Variants in PLCH2 observed in about 807,000 individuals in gnomAD.
PLCH2 encodes the protein 1-phosphatidylinositol 4,5-bisphosphate phosphodiesterase eta-2.
PLCH2 carries 98 observed loss-of-function variants against 134.7 expected under a neutral mutation model. The observed-to-expected ratio is 0.73, with a 90% CI of 0.62 to 0.86. The LOEUF is 0.86. Among genes scored for constraint, PLCH2 ranks in the 40% least tolerant of loss-of-function variants. The probability of loss-of-function intolerance (pLI) is 0.00; values close to 1 mark genes in which losing one functional copy is unlikely to be tolerated. For synonymous variants in PLCH2, 974 were observed against 827.5 expected (o/e 1.18, Z -3.04); for missense variants, 1,994 against 1,986.6 (o/e 1.00, Z -0.07).
chr1:2,424,749 A>G (rs897997393), upstream of PLCH2, among the ~76,000 whole-genome samples: 1 of 152,204 alleles, frequency 6.6e-6, no homozygotes, highest in Non-Finnish European at 1.5e-5. Context: ...GCACTTTGGG[A>G]GGCCAAGGCG....
At chr1:2,475,615 G>A (rs938357613), upstream of PLCH2, among the ~76,000 whole-genome samples, 2 of 152,182 alleles carry the variant, frequency 1.3e-5, no homozygotes, top group Non-Finnish European at 2.9e-5. Context: ...CTTGGGCGAG[G>A]CCCCTGTCCA....
chr1:2,496,056 T>TC (rs1048990137), intron 13 of PLCH2, among the ~76,000 whole-genome samples: 4 of 124,952 alleles, frequency 3.2e-5, no homozygotes, highest in Non-Finnish European at 6.9e-5. Context: ...GACCCTGGGC[T>TC]CCCCCCGTGC....
upstream of PLCH2, among the ~76,000 whole-genome samples, chr1:2,474,712 AG>A (rs1360063954): frequency 6.6e-6 from 1 of 152,130 alleles, no homozygotes; most frequent in Non-Finnish European, 1.5e-5. Context: ...GCCCAGGGTG[AG>A]GGAACAGCAG....
At chr1:2,421,064 C>T (rs1188302915), upstream of PLCH2, among the ~76,000 whole-genome samples, 5 of 152,038 alleles carry the variant, frequency 3.3e-5, no homozygotes, top group East Asian at 5.8e-4. Context: ...CCTGCCTCAG[C>T]CTCCTGAGTA....
At chr1:2,468,592 G>A (rs1641182482) in intron 1 of PLCH2, among the ~76,000 whole-genome samples, 1 of 152,224 alleles carries the variant, frequency 6.6e-6, no homozygotes, top group Admixed American at 6.5e-5. Context: ...CGTGAAGGGG[G>A]ACAGTGGCCA....
intron 3 of PLCH2, 88 bp downstream of exon 3, chr1:2,480,065 A>G (rs953870070): frequency 9.5e-6 from 15 of 1,579,722 alleles, no homozygotes; most frequent in African/African-American, 1.3e-5. Flanking sequence ...TTGCCGGGTC[A>G]CACACTGGGG....
intron 2 of PLCH2, among the ~76,000 whole-genome samples, chr1:2,459,615 TG>T (rs1557970231): frequency 1.8e-5 from 2 of 113,394 alleles, no homozygotes; most frequent in African/African-American, 7.3e-5. Flanking sequence ...TGGTCCTCCT[TG>T]CCTGTGGTCC....
At chr1:2,441,356 C>A (rs1373567242) in intron 2 of PLCH2, among the ~76,000 whole-genome samples, 2 of 152,222 alleles carry the variant, frequency 1.3e-5, no homozygotes, top group East Asian at 1.9e-4. Context: ...CTTCTGCCAG[C>A]TCCTGGGCCT....
chr1:2,430,965 G>A (rs923569427), intron 2 of PLCH2, among the ~76,000 whole-genome samples: 2 of 152,192 alleles, frequency 1.3e-5, no homozygotes, highest in Admixed American at 1.3e-4. Context: ...TGCAGCTCAC[G>A]ATGCTTCCTT....
rs762771048 is a variant in PLCH2 at position 2,505,253 on chromosome 1, G to A, written c.*40G>A. On this transcript the variant is annotated 3_prime_UTR_variant, in exon 22 of 22. Transcript: ENST00000378486. The stretch of plus-strand genomic sequence containing the variant: ...AACCTGGGCGGCTCTGGAGGCCCAG[G>A]GCAGGGGTGGGCGTGTTGTTTGCTC... 4 of 1,451,778 alleles carry A rather than the reference G, an allele frequency of 2.8e-6. No individual in the cohort carries two copies. The highest frequency in any genetic ancestry group is 3.7e-6 in the Non-Finnish European group (4 of 1,076,524). The allele number at this position is 1,451,778 out of a possible 1,614,324, so 89.9% of individuals were successfully genotyped here.
At chr1:2,497,655 G>A in intron 16 of PLCH2, 46 bp downstream of exon 16, 1 of 1,280,158 alleles carries the variant, frequency 7.8e-7, no homozygotes, top group Non-Finnish European at 1.1e-6. Flanking sequence ...GGGCTCGGAT[G>A]GGCCTCCTGG....
In PLCH2 at chr1:2,479,777, G is replaced by A. The variant is rs375263564; in HGVS notation, c.315G>A (p.Ser105=). The A allele has an allele frequency of 1.5e-5, 23 of 1,559,818 alleles. No homozygotes were observed. The highest frequency in any genetic ancestry group is 5.4e-5 in the African/African-American group (4 of 73,406). Residue 105 remains serine (S), a synonymous_variant, in exon 3 of 22, where the codon TCG becomes TCA. Transcript: ENST00000378486. ...SIQEVSEGRQ[S]EVFQRYPDGS... ...AGGAGGTGAGTGAGGGGCGGCAGTC[G>A]GAGGTCTTCCAGCGCTACCCTGACG...
At chr1:2,426,080 G>A (rs1187321295) in intron 1 of PLCH2, 1 of 152,286 alleles carries the variant, frequency 6.6e-6, no homozygotes, top group African/African-American at 2.4e-5. Flanking sequence ...GACCTTCTTA[G>A]GGAAATGGCC....
intron 2 of PLCH2, among the ~76,000 whole-genome samples, chr1:2,442,396 A>C (rs927157483): frequency 1.3e-5 from 2 of 152,166 alleles, no homozygotes; most frequent in African/African-American, 4.8e-5. Flanking sequence ...AAACTCCGGC[A>C]ACACTGGTCC....
In PLCH2 at chr1:2,478,490, G is replaced by A; in HGVS notation, c.139G>A (p.Gly47Ser). The change falls in exon 2 of 22, where the codon GGT (glycine) becomes AGT (serine). Residue 47 changes from glycine (G) to serine (S), a missense_variant. By Grantham distance (56) the Gly-to-Ser change is moderately conservative (BLOSUM62 0). Around this residue, in one of 2 missense-constraint regions of PLCH2, gnomAD observed 1,094 missense variants for 1,234.3 expected, o/e 0.89. Transcript: ENST00000378486. ...CCCGTGTCCAGTGGAGCGGTGCATG[G>A]GTGCCATGCAAGAGGGGATGCAGAT... Reference protein sequence around the residue: ...QLGPLVERCMGAMQEGMQMVK... With the variant: ...QLGPLVERCMSAMQEGMQMVK... 1 of 1,612,834 alleles carries A rather than the reference G, an allele frequency of 6.2e-7. No homozygotes were observed. The highest frequency in any genetic ancestry group is 1.3e-5 in the African/African-American group (1 of 75,058).
intron 2 of PLCH2, 133 bp downstream of exon 2, chr1:2,478,755 C>T (rs1641784179): frequency 1.1e-6 from 1 of 894,078 alleles, no homozygotes; most frequent in East Asian, 2.7e-5. Flanking sequence ...GGCTCAGTGG[C>T]CTTGGGGATC....
chr1:2,417,694 C>A, the PLCH2 span, among the ~76,000 whole-genome samples: 1 of 152,172 alleles, frequency 6.6e-6, no homozygotes, highest in African/African-American at 2.4e-5. Context: ...CTGGAGGGCA[C>A]CTGGGAGCCA....
At chr1:2,495,420 C>T (rs1642829106) in intron 12 of PLCH2, 68 bp from the exon 13 acceptor site, 1 of 1,378,892 alleles carries the variant, frequency 7.3e-7, no homozygotes, top group African/African-American at 1.4e-5. Context: ...CTCCCCAACC[C>T]CCCAGCCTTC....
intron 4 of PLCH2, among the ~76,000 whole-genome samples, chr1:2,482,315 G>A (rs1642013661): frequency 6.6e-6 from 1 of 152,182 alleles, no homozygotes; most frequent in Admixed American, 6.5e-5. Flanking sequence ...CTCTGGCCTG[G>A]GCTTTGTCCC....
Sources: allele counts gnomAD v4.1 joint callset (sites outside exome capture counted in the v4.1 genomes callset), GRCh38; gene constraint gnomAD v4.1.1; regional missense constraint gnomAD v4.1.1; transcripts MANE v1.5; gene names NCBI Gene and HGNC (gene_info 2026-07-23, HGNC 2026-07-21).